Variants in PCDH11X observed in about 807,000 individuals in gnomAD.
PCDH11X encodes protocadherin 11 X-linked.
Under a neutral mutation model 53.3 loss-of-function variants are expected in PCDH11X, and 18 were observed. That is an observed-to-expected ratio of 0.34 (90% CI 0.23 to 0.50). The LOEUF (loss-of-function observed/expected upper bound fraction) is 0.50. PCDH11X is among the 20% of genes least tolerant of loss of function. The pLI, the probability that PCDH11X is intolerant of heterozygous loss-of-function variation, is 0.98. For missense variants in PCDH11X, 570 were observed against 1,032.4 expected (o/e 0.55, Z 6.14); for synonymous variants, 279 against 393.3 (o/e 0.71, Z 3.44).
chrX:92,357,069 G>T (rs905010973), intron 8 of PCDH11X, among the ~76,000 whole-genome samples: 2 of 110,625 alleles, frequency 1.8e-5, no homozygotes, highest in Non-Finnish European at 3.8e-5. Flanking sequence ...TCTCAATGGC[G>T]AGTGGAATGG....
intron 5 of PCDH11X, among the ~76,000 whole-genome samples, chrX:91,845,373 G>C (rs1427536377): frequency 1.8e-5 from 2 of 108,409 alleles, no homozygotes; most frequent in African/African-American, 7.0e-5. Context: ...TTGCTGTGAG[G>C]AAAGTTATTC....
intron 9 of PCDH11X, among the ~76,000 whole-genome samples, chrX:92,428,798 T>A (rs1233283326): frequency 9.0e-6 from 1 of 111,131 alleles, no homozygotes; most frequent in Non-Finnish European, 1.9e-5. Flanking sequence ...AAATTTATAA[T>A]TTCACCATCT....
At chrX:92,152,795 G>GTATGTATGTATGTATT (rs758903864) in intron 6 of PCDH11X, among the ~76,000 whole-genome samples, 1 of 76,650 alleles carries the variant, frequency 1.3e-5, no homozygotes, top group Non-Finnish European at 2.6e-5. Context: ...ATGTATGTAT[G>GTATGTATGTATGTATT]TATTTATTTA....
At chrX:91,913,953 C>T (rs1941471809) in intron 6 of PCDH11X, among the ~76,000 whole-genome samples, 1 of 110,657 alleles carries the variant, frequency 9.0e-6, no homozygotes. Context: ...TCAAGAAAGC[C>T]AGCATACTAA....
chrX:92,561,953 T>G (rs2148762911), intron 10 of PCDH11X, among the ~76,000 whole-genome samples: 1 of 108,233 alleles, frequency 9.2e-6, no homozygotes. Flanking sequence ...TGTATTAGTT[T>G]ATTCTTGCAT....
intron 6 of PCDH11X, among the ~76,000 whole-genome samples, chrX:92,088,029 C>T (rs1466453245): frequency 4.7e-5 from 5 of 105,906 alleles, no homozygotes; most frequent in African/African-American, 1.0e-4. Context: ...TGATCACTTT[C>T]GTTATCTTAA....
chrX:92,161,575 G>T (rs769828366), intron 6 of PCDH11X, among the ~76,000 whole-genome samples: 4 of 109,361 alleles, frequency 3.7e-5, no homozygotes, highest in Admixed American at 9.9e-5. Context: ...TAGCAAGGCC[G>T]GGGAAGTTTT....
At chrX:92,041,395 G>C (rs1303186425) in intron 6 of PCDH11X, among the ~76,000 whole-genome samples, 1 of 111,583 alleles carries the variant, frequency 9.0e-6, no homozygotes, top group East Asian at 2.8e-4. Context: ...TTGTGTTTCA[G>C]TCTTGATACT....
chrX:92,373,154 T>C (rs2070663930), intron 8 of PCDH11X, among the ~76,000 whole-genome samples: 3 of 107,521 alleles, frequency 2.8e-5, no homozygotes, highest in Middle Eastern at 4.7e-3. Flanking sequence ...ATTTATTCAA[T>C]ACAAGTTTTA....
At chrX:92,150,219 A>G (rs1248920718) in intron 6 of PCDH11X, among the ~76,000 whole-genome samples, 1 of 111,805 alleles carries the variant, frequency 8.9e-6, no homozygotes, top group Non-Finnish European at 1.9e-5. Context: ...TCTCACCATC[A>G]GTGTGTGAGT....
intron 8 of PCDH11X, among the ~76,000 whole-genome samples, chrX:92,265,233 C>G (rs2067802978): frequency 9.1e-6 from 1 of 109,927 alleles, no homozygotes; most frequent in Admixed American, 9.8e-5. Flanking sequence ...CCGCACCCGG[C>G]CGATAAGCAG....
At chrX:92,457,738 A>G (rs182273053) in intron 9 of PCDH11X, among the ~76,000 whole-genome samples, 2,218 of 109,691 alleles carry the variant, frequency 0.02, 34 homozygotes, top group Middle Eastern at 0.075. Flanking sequence ...AAACATCACT[A>G]TCTTTCTCAT....
In PCDH11X at chrX:92,114,793, C is replaced by G. The variant is rs182146277; in HGVS notation, c.3034-86582C>G. On this transcript the variant is annotated intron_variant, in intron 6 of 10. Coordinates refer to ENST00000682573, the MANE Select transcript of PCDH11X (RefSeq NM_032968.5). ...TCTCCTCTCCTACCCTGCACCCCTA[C>G]TGGATCAAAAGAATGTCACCTGTCC... Among the ~76,000 whole-genome samples, 1,075 of 110,692 alleles carry G rather than the reference C, an allele frequency of 9.7e-3. 8 individuals carry two copies. The highest frequency in any genetic ancestry group is 0.033 in the African/African-American group (1,015 of 30,403).
chrX:92,459,807 C>A (rs1331490326), intron 9 of PCDH11X: 4 of 1,179,369 alleles, frequency 3.4e-6, no homozygotes. Flanking sequence ...CCCGGATCTC[C>A]GTGTCCCGCT....
intron 6 of PCDH11X, among the ~76,000 whole-genome samples, chrX:91,965,015 A>G (rs954652930): frequency 8.1e-5 from 9 of 111,162 alleles, no homozygotes; most frequent in African/African-American, 3.0e-4. Flanking sequence ...AATTTGTAAT[A>G]GCATTAACAT....
chrX:92,617,443 G>A (rs1212912976), intron 10 of PCDH11X, among the ~76,000 whole-genome samples: 5 of 111,425 alleles, frequency 4.5e-5, no homozygotes, highest in Admixed American at 1.9e-4. Flanking sequence ...GGATTGATAC[G>A]TCTTCGTAGA....
intron 6 of PCDH11X, among the ~76,000 whole-genome samples, chrX:91,886,717 T>G (rs759840464): frequency 9.1e-6 from 1 of 109,772 alleles, no homozygotes; most frequent in Non-Finnish European, 1.9e-5. Context: ...CATGCCTGTA[T>G]TCCCAGTACT....
In PCDH11X at chrX:92,547,200, G is replaced by A. The variant is rs1399976240; in HGVS notation, c.3368-71064G>A. Among the ~76,000 whole-genome samples, 3 of 107,889 alleles carry A rather than the reference G, an allele frequency of 2.8e-5. No individual in the cohort carries two copies. The East Asian group carries it at 8.6e-4, about 31-fold the overall frequency. The allele number at this position is 107,889 out of a possible 115,157, so 93.7% of individuals were successfully genotyped here. A position where few individuals can be genotyped will look rare whatever the true frequency, so the allele number is the denominator to read the frequency against. On this transcript the variant is annotated intron_variant, in intron 10 of 10. Coordinates refer to ENST00000682573, the MANE Select transcript of PCDH11X (RefSeq NM_032968.5). ...TTCTGTGAATTTAAGCAGTATTAAG[G>A]TGATTTGGCAAGAACTGTGAAAATT...
At chrX:92,519,538 G>T (rs1055398618) in intron 10 of PCDH11X, among the ~76,000 whole-genome samples, 59 of 108,476 alleles carry the variant, frequency 5.4e-4, no homozygotes, top group African/African-American at 1.8e-3. Context: ...ATCAAAAAGG[G>T]TATTAACCTA....
Sources: gnomAD v4.1 joint callset for allele counts (sites outside exome capture counted in the v4.1 genomes callset) on GRCh38, gnomAD v4.1.1 for gene constraint, MANE v1.5 for transcripts, NCBI Gene and HGNC (gene_info 2026-07-23, HGNC 2026-07-21) for gene names.